EFR3B: variants seen among roughly 807,000 people sequenced by gnomAD.
EFR3B encodes the protein EFR3 homolog B.
EFR3B carries 64 observed loss-of-function variants against 104.7 expected under a neutral mutation model. The observed-to-expected ratio is 0.61, with a 90% CI of 0.50 to 0.75. The LOEUF (loss-of-function observed/expected upper bound fraction) is 0.75, where lower values mean the gene tolerates loss of function less well. Among genes scored for constraint, EFR3B ranks in the 30% least tolerant of loss-of-function variants. EFR3B has a pLI of 0.00. For synonymous variants in EFR3B, 385 were observed against 417.9 expected (o/e 0.92, Z 0.96); for missense variants, 750 against 1,078.5 (o/e 0.70, Z 4.27).
At chr2:25,150,429 G>A (rs13428823) in intron 20 of EFR3B, among the ~76,000 whole-genome samples, 89,740 of 151,864 alleles carry the variant, frequency 0.59, 26,854 homozygotes, top group East Asian at 0.68. Context: ...TATTAATAAC[G>A]AATCATATGA....
At chr2:25,078,814 T>G (rs1668707288) in intron 1 of EFR3B, among the ~76,000 whole-genome samples, 1 of 152,188 alleles carries the variant, frequency 6.6e-6, no homozygotes, top group South Asian at 2.1e-4. Flanking sequence ...CATGGAAGGC[T>G]TCCAGGGAGC....
At position 25,148,000 on chromosome 2, in the gene EFR3B, G is replaced by A. The variant is rs925656452; in HGVS notation, c.2143-1694G>A. Reference sequence around the variant, plus strand: ...AGATCATACCATAGTACTCTAGCCTGGGTGATGAGAGCGAAACTCCATCTC... The same window carrying A: ...AGATCATACCATAGTACTCTAGCCTAGGTGATGAGAGCGAAACTCCATCTC... On this transcript the variant is annotated intron_variant, in intron 19 of 22. Coordinates refer to ENST00000403714, the MANE Select transcript of EFR3B (RefSeq NM_014971.2). 2.8e-5 allele frequency: 4 copies of A among 141,844 alleles called. No individual in the cohort carries two copies. The East Asian group carries it at 8.2e-4, about 29-fold the overall frequency. 8.8% of individuals were successfully genotyped at this position (141,844 alleles called of 1,614,324 possible). A position where few individuals can be genotyped will look rare whatever the true frequency, so the allele number is the denominator to read the frequency against.
In EFR3B at chr2:25,139,202, C is replaced by T; in HGVS notation, c.1854+12C>T. 1 of 1,548,418 alleles carries T rather than the reference C, an allele frequency of 6.5e-7. No homozygotes were observed. The highest frequency in any genetic ancestry group is 8.7e-7 in the Non-Finnish European group (1 of 1,146,002). On this transcript the variant is annotated intron_variant, in intron 16 of 22. Transcript: ENST00000403714. ...AGCACATCCATGAGGTTGGTGTTCT[C>T]ACGACCAAGAGCTCAGGGGGCCCTC...
In EFR3B at chr2:25,155,774, G is replaced by A. The variant is rs774664472; in HGVS notation, c.*1434G>A. On this transcript the variant is annotated 3_prime_UTR_variant, in exon 23 of 23. Transcript: ENST00000403714. ...CAACATAACCTACAGTAAGATGTGA[G>A]TGTCAGACGTTCTCTCCCTGGAGTC... 2 of 152,186 alleles carry A rather than the reference G, an allele frequency of 1.3e-5. No individual in the cohort carries two copies. The highest frequency in any genetic ancestry group is 2.9e-5 in the Non-Finnish European group (2 of 68,056). 9.4% of individuals were successfully genotyped at this position (152,186 alleles called of 1,614,324 possible).
intron 1 of EFR3B, among the ~76,000 whole-genome samples, chr2:25,064,022 A>T (rs1202111139): frequency 1.3e-5 from 2 of 152,182 alleles, no homozygotes; most frequent in African/African-American, 4.8e-5. Context: ...CCTGCTGCTT[A>T]CTTGGCATTT....
intron 1 of EFR3B, among the ~76,000 whole-genome samples, chr2:25,074,660 C>G (rs1668587950): frequency 6.6e-6 from 1 of 150,994 alleles, no homozygotes; most frequent in African/African-American, 2.4e-5. Context: ...CTGTGTCACC[C>G]AGGCTGGAGT....
intron 1 of EFR3B, 89 bp from the exon 2 acceptor site, chr2:25,091,236 C>A: frequency 8.0e-7 from 1 of 1,247,216 alleles, no homozygotes; most frequent in Non-Finnish European, 1.1e-6. Context: ...CTGTTTCCTG[C>A]CACTCACAGG....
chr2:25,131,485 G>A lies in EFR3B; in HGVS notation c.967G>A (p.Ala323Thr). ...VEVLSEAAVIAATGSVGPTVL... is the reference protein window; with the variant it reads ...VEVLSEAAVITATGSVGPTVL... ...AGTCTTGTCGGAAGCCGCGGTCATC[G>A]CTGCCACCGGCTCTGTGGGTAAGGG... The change falls in exon 9 of 23, where the codon GCT becomes ACT. Residue 323 changes from alanine (A) to threonine (T), a missense_variant. Physicochemically the swap from Ala to Thr is moderately conservative, Grantham distance 58. Transcript: ENST00000403714. This position sits in a 1 kb window ranked among gnomAD's most constrained non-coding sequence, Gnocchi z 7.6. 1 of 1,549,634 alleles carries A rather than the reference G, an allele frequency of 6.5e-7. No homozygotes were observed. The highest frequency in any genetic ancestry group is 2.4e-5 in the East Asian group (1 of 40,918).
At chr2:25,086,139 T>C (rs1217796660) in intron 1 of EFR3B, among the ~76,000 whole-genome samples, 1 of 152,222 alleles carries the variant, frequency 6.6e-6, no homozygotes, top group Non-Finnish European at 1.5e-5. Context: ...TTCCGTTGTC[T>C]GGATGTACCA....
intron 1 of EFR3B, among the ~76,000 whole-genome samples, chr2:25,067,985 A>G (rs924446044): frequency 5.3e-5 from 8 of 151,988 alleles, no homozygotes; most frequent in African/African-American, 1.9e-4. Flanking sequence ...TGGCCTTTCC[A>G]GTCCCCTATG....
In EFR3B at chr2:25,156,280, T is replaced by G. The variant is rs1035902456; in HGVS notation, c.*1940T>G. ...CCATCTCTGCTGTGGGCACACAGCTTCTTTTTCTTGTTTTTTTTTTTTTTT... is the reference window on the plus strand; with the variant it reads ...CCATCTCTGCTGTGGGCACACAGCTGCTTTTTCTTGTTTTTTTTTTTTTTT... On this transcript the variant is annotated 3_prime_UTR_variant, in exon 23 of 23. Transcript: ENST00000403714. The G allele has an allele frequency of 9.3e-5, 14 of 150,012 alleles. No homozygotes were observed. The highest frequency in any genetic ancestry group is 5.3e-4 in the Admixed American group (8 of 15,002). 9.3% of individuals were successfully genotyped at this position (150,012 alleles called of 1,614,324 possible). A position where few individuals can be genotyped will look rare whatever the true frequency, so the allele number is the denominator to read the frequency against.
At chr2:25,079,825 A>AAGG in intron 1 of EFR3B, 1 of 803,778 alleles carries the variant, frequency 1.2e-6, no homozygotes, top group Non-Finnish European at 2.2e-6. Context: ...CACCAAAAAG[A>AAGG]ACAATAACAC....
chr2:25,141,375 A>G lies in EFR3B; in HGVS notation c.1864A>G (p.Thr622Ala). The change falls in exon 17 of 23, where the codon ACC becomes GCC. Residue 622 changes from threonine to alanine, a missense_variant. Transcript: ENST00000403714. Reference sequence around the variant, plus strand: ...TCCTCCCAACCGCCAGGTGATAGAGACCAGGAAGAAAGAGGCTCCATACAT... The same window carrying G: ...TCCTCCCAACCGCCAGGTGATAGAGGCCAGGAAGAAAGAGGCTCCATACAT... ...FCQHIHEVIETRKKEAPYMLP... is the reference protein window; with the variant it reads ...FCQHIHEVIEARKKEAPYMLP... The G allele has an allele frequency of 6.4e-7, 1 of 1,551,406 alleles. No homozygotes were observed. Among genetic ancestry groups the G allele is most frequent in the Non-Finnish European group, 8.7e-7 (1 of 1,146,854 alleles).
intron 1 of EFR3B, among the ~76,000 whole-genome samples, chr2:25,081,871 G>A (rs1388733753): frequency 6.6e-6 from 1 of 152,174 alleles, no homozygotes; most frequent in Non-Finnish European, 1.5e-5. Flanking sequence ...TAGGGAGTTT[G>A]GGGGAGGGGA....
chr2:25,103,428 C>T (rs1451790159), intron 3 of EFR3B, among the ~76,000 whole-genome samples: 1 of 152,250 alleles, frequency 6.6e-6, no homozygotes, highest in African/African-American at 2.4e-5. Flanking sequence ...GGTCTCTAGG[C>T]TTCCTTCCAG....
intron 22 of EFR3B, 74 bp downstream of exon 22, chr2:25,153,835 C>A: frequency 7.0e-7 from 1 of 1,426,398 alleles, no homozygotes; most frequent in African/African-American, 1.4e-5. Context: ...TGAGTCCTCT[C>A]ACCCCTGTCT....
chr2:25,067,722 C>G (rs996953656), intron 1 of EFR3B, among the ~76,000 whole-genome samples: 2 of 152,170 alleles, frequency 1.3e-5, no homozygotes, highest in East Asian at 1.9e-4. Flanking sequence ...TGAGAGCTGT[C>G]TGGGGCGGTG....
At chr2:25,058,427 C>T (rs1668083435) in intron 1 of EFR3B, 1 of 152,154 alleles carries the variant, frequency 6.6e-6, no homozygotes, top group East Asian at 1.9e-4. Flanking sequence ...TACTACTTCA[C>T]ACCCGTTAGG....
chr2:25,069,512 T>C (rs1668432588), intron 1 of EFR3B, among the ~76,000 whole-genome samples: 1 of 152,236 alleles, frequency 6.6e-6, no homozygotes, highest in South Asian at 2.1e-4. Flanking sequence ...AACAGCCTTA[T>C]TGAAGTGGCA....
Sources: allele counts gnomAD v4.1 joint callset (sites outside exome capture counted in the v4.1 genomes callset), GRCh38; gene constraint gnomAD v4.1.1; non-coding constraint Gnocchi (gnomAD v3.1); transcripts MANE v1.5; gene names NCBI Gene and HGNC (gene_info 2026-07-23, HGNC 2026-07-21).